The following CACNA1C variants were observed in gnomAD, a reference collection of about 807,000 sequenced individuals.
CACNA1C encodes the protein voltage-dependent L-type calcium channel subunit alpha-1C.
Under a neutral mutation model 229.0 loss-of-function variants are expected in CACNA1C, and 30 were observed. That is an observed-to-expected ratio of 0.13 (90% CI 0.10 to 0.18). CACNA1C has a LOEUF of 0.18. Among genes scored for constraint, CACNA1C ranks in the 10% least tolerant of loss-of-function variants. The probability of loss-of-function intolerance (pLI) is 1.00; values close to 1 mark genes in which losing one functional copy is unlikely to be tolerated. For synonymous variants in CACNA1C, 1,114 were observed against 1,132.5 expected (o/e 0.98, Z 0.33); for missense variants, 1,658 against 2,845.0 (o/e 0.58, Z 9.49).
rs936515048 is a variant in CACNA1C, at chr12:1,971,752, C to A, written c.139+551C>A. ...TTCTTATTAGCATGGTGCATTAGTT[C>A]ATTTTGCATGTTCTTTGGGGATTTG... On this transcript the variant is annotated intron_variant, in intron 1 of 46. Coordinates refer to the CACNA1C transcript ENST00000682462. The surrounding 1 kb of genome is among the most constrained non-coding windows in gnomAD (Gnocchi z 4.2). 6.6e-6 allele frequency among the ~76,000 whole-genome samples: 1 copy of A among 152,182 alleles called. No homozygotes were observed. The highest frequency in any genetic ancestry group is 1.5e-5 in the Non-Finnish European group (1 of 68,028).
chr12:2,406,190 C>T (rs981993145), intron 3 of CACNA1C, among the ~76,000 whole-genome samples: 1 of 152,132 alleles, frequency 6.6e-6, no homozygotes, highest in Non-Finnish European at 1.5e-5. Flanking sequence ...AAGATATTTT[C>T]TTTGACTTTG....
chr12:1,997,278 C>A (rs903031828), intron 1 of CACNA1C, among the ~76,000 whole-genome samples: 4 of 152,210 alleles, frequency 2.6e-5, no homozygotes, highest in African/African-American at 9.6e-5. Context: ...CCTGTAATCC[C>A]AGCACTTTAG....
At chr12:2,382,550 C>G (rs1381620436) in intron 3 of CACNA1C, among the ~76,000 whole-genome samples, 1 of 152,164 alleles carries the variant, frequency 6.6e-6, no homozygotes, top group Non-Finnish European at 1.5e-5. Flanking sequence ...ATTCACATTT[C>G]AATCCTGTGC....
rs1565973139 is a variant in CACNA1C at position 2,029,703 on chromosome 12, G to T, written c.139+58502G>T. ...AGTGAGGCTAACTGACTGTGACACA[G>T]TTTTCTGTTTCTTTCCACCCCACAA... On this transcript the variant is annotated intron_variant, in intron 1 of 46. Coordinates refer to the CACNA1C transcript ENST00000682462. This position sits in a 1 kb window ranked among gnomAD's most constrained non-coding sequence, Gnocchi z 4.9. Among the ~76,000 whole-genome samples, 1 of 152,204 alleles carries T rather than the reference G, an allele frequency of 6.6e-6. No homozygotes were observed. Among genetic ancestry groups the T allele is most frequent in the African/African-American group, 2.4e-5 (1 of 41,448 alleles).
At chr12:2,307,230 G>A (rs1396575727) in intron 3 of CACNA1C, among the ~76,000 whole-genome samples, 3 of 152,230 alleles carry the variant, frequency 2.0e-5, no homozygotes, top group Non-Finnish European at 4.4e-5. Context: ...CTGGGATCCA[G>A]TAGGGCTTCC....
chr12:2,100,663 G>T (rs1333478428), intron 1 of CACNA1C, among the ~76,000 whole-genome samples: 2 of 151,664 alleles, frequency 1.3e-5, no homozygotes, highest in Middle Eastern at 3.2e-3. Context: ...AGGCTAAGGT[G>T]GGAGGATTGC....
intron 1 of CACNA1C, chr12:2,004,764 A>C: frequency 3.4e-6 from 1 of 298,396 alleles, no homozygotes; most frequent in African/African-American, 2.2e-5. Context: ...GATGTGTTCG[A>C]CCCCTTGGCA....
chr12:2,500,396 G>A (rs2239093), intron 7 of CACNA1C, among the ~76,000 whole-genome samples: 13,917 of 152,258 alleles, frequency 0.091, 766 homozygotes, highest in Middle Eastern at 0.14. Context: ...TCTCCAAGGC[G>A]CGTGGGTTTG....
In CACNA1C at chr12:2,437,530, C is replaced by T. The variant is rs151198775; in HGVS notation, c.478-11446C>T. Among the ~76,000 whole-genome samples the T allele has an allele frequency of 5.3e-5, 8 of 152,346 alleles. 1 individual carries two copies. Among genetic ancestry groups the T allele is most frequent in the African/African-American group, 1.9e-4 (8 of 41,584 alleles). On this transcript the variant is annotated intron_variant, in intron 3 of 46. Coordinates refer to ENST00000399655, the MANE Select transcript of CACNA1C (RefSeq NM_000719.7). ...AGCCCTCTGATCTGTTTGCTCATCT[C>T]TATATTGGAGATAGTTTTTACCCAT...
At chr12:2,112,280 C>A (rs1324889782) in intron 1 of CACNA1C, among the ~76,000 whole-genome samples, 2 of 152,188 alleles carry the variant, frequency 1.3e-5, no homozygotes, top group African/African-American at 4.8e-5. Flanking sequence ...CTCTTTACAT[C>A]TTTTCCTGCT....
chr12:2,096,565 G>A (rs1223646187), intron 1 of CACNA1C, among the ~76,000 whole-genome samples: 1 of 152,008 alleles, frequency 6.6e-6, no homozygotes, highest in Non-Finnish European at 1.5e-5. Flanking sequence ...TTAAATTGAG[G>A]TAACTTTTTG....
intron 34 of CACNA1C, 44 bp downstream of exon 34, chr12:2,655,282 C>T: frequency 8.4e-7 from 1 of 1,187,710 alleles, no homozygotes; most frequent in Non-Finnish European, 1.2e-6. Flanking sequence ...CACACACCTG[C>T]ATGGTGCCAC....
chr12:2,471,301 A>C (rs541141095), intron 5 of CACNA1C, among the ~76,000 whole-genome samples: 45 of 152,336 alleles, frequency 3.0e-4, no homozygotes, highest in African/African-American at 9.9e-4. Context: ...ATACTTTATA[A>C]GTTCCACTCA....
intron 3 of CACNA1C, among the ~76,000 whole-genome samples, chr12:2,192,907 C>T (rs2097284671): frequency 6.6e-6 from 1 of 152,206 alleles, no homozygotes; most frequent in Non-Finnish European, 1.5e-5. Context: ...GGGCCTTTGT[C>T]CTCTGCATTC....
intron 13 of CACNA1C, among the ~76,000 whole-genome samples, chr12:2,570,084 T>C (rs529886673): frequency 4.8e-4 from 73 of 152,228 alleles, no homozygotes; most frequent in Non-Finnish European, 9.0e-4. Flanking sequence ...ATGTGCGTTA[T>C]GATCAACCTT....
chr12:2,462,584 G>T (rs2099517804), intron 5 of CACNA1C, among the ~76,000 whole-genome samples: 1 of 152,218 alleles, frequency 6.6e-6, no homozygotes, highest in Non-Finnish European at 1.5e-5. Context: ...CAATAAAGGT[G>T]ATAAATATCT....
intron 9 of CACNA1C, among the ~76,000 whole-genome samples, chr12:2,514,120 T>G (rs1037888564): frequency 6.6e-6 from 1 of 152,136 alleles, no homozygotes. Context: ...ATCCAGGGCA[T>G]TTGCTGCGTG....
At position 2,582,906 on chromosome 12, in the gene CACNA1C, T is replaced by A. The variant is rs752663570; in HGVS notation, c.2188T>A (p.Cys730Ser). The A allele has an allele frequency of 8.8e-6, 14 of 1,597,980 alleles. No individual in the cohort carries two copies. In the East Asian group the frequency reaches 2.7e-4, roughly 31 times the overall value. ...GGPSFPGMLVCIYFIILFICG... is the reference protein window; with the variant it reads ...GGPSFPGMLVSIYFIILFICG... ...CCCCTCTTTTCCAGGGATGTTAGTC[T>A]GTATTTACTTCATCATCCTCTTCAT... Residue 730 changes from cysteine (C) to serine (S), a missense_variant, in exon 15 of 47, where the codon TGT becomes AGT. By Grantham distance (112) the Cys-to-Ser change is moderately radical. This residue lies in a region of CACNA1C where 30 missense variants were observed against 73.2 expected (regional missense o/e 0.41). Coordinates refer to ENST00000399655, the MANE Select transcript of CACNA1C (RefSeq NM_000719.7).
At chr12:2,098,872 T>C (rs558515248) in intron 1 of CACNA1C, among the ~76,000 whole-genome samples, 1 of 152,356 alleles carries the variant, frequency 6.6e-6, no homozygotes, top group Admixed American at 6.5e-5. Flanking sequence ...GTCTTCACCA[T>C]TGTTCTGTGA....
Sources: gnomAD v4.1 joint callset for allele counts (sites outside exome capture counted in the v4.1 genomes callset) on GRCh38, gnomAD v4.1.1 for gene constraint, gnomAD v4.1.1 regional missense constraint, Gnocchi (gnomAD v3.1) non-coding constraint, MANE v1.5 for transcripts, NCBI Gene and HGNC (gene_info 2026-07-23, HGNC 2026-07-21) for gene names.